ZNF398: variants seen among roughly 807,000 people sequenced by gnomAD.
ZNF398 encodes the protein zinc finger protein 398.
A neutral mutation model predicts 41.9 loss-of-function variants in ZNF398; 18 were observed. The observed-to-expected ratio is 0.43, with a 90% CI of 0.30 to 0.64. ZNF398 has a LOEUF of 0.64. Ranked by LOEUF, ZNF398 falls within the 30% of genes least tolerant of loss-of-function variation. ZNF398 has a pLI of 0.14. For missense variants in ZNF398, 669 were observed against 822.8 expected (o/e 0.81, Z 2.29); for synonymous variants, 260 against 308.8 (o/e 0.84, Z 1.66).
At chr7:149,138,711 T>A (rs1330739196) in intron 2 of ZNF398, among the ~76,000 whole-genome samples, 2 of 152,178 alleles carry the variant, frequency 1.3e-5, no homozygotes, top group African/African-American at 4.8e-5. Flanking sequence ...AGAACCAAAA[T>A]GCTTCGAGTG....
chr7:149,174,767 A>T (rs1285229483), intron 4 of ZNF398, among the ~76,000 whole-genome samples: 1 of 152,220 alleles, frequency 6.6e-6, no homozygotes, highest in Non-Finnish European at 1.5e-5. Context: ...CAGAGATTGC[A>T]GTAAGCCAAG....
chr7:149,127,595 T>C (rs186667936), intron 1 of ZNF398, among the ~76,000 whole-genome samples: 5,124 of 147,288 alleles, frequency 0.035, 308 homozygotes, highest in African/African-American at 0.12. Context: ...CGGGCGCCTG[T>C]AGTCCCAGCT....
At chr7:149,149,420 A>AG (rs1318781634) in intron 1 of ZNF398, among the ~76,000 whole-genome samples, 1 of 151,786 alleles carries the variant, frequency 6.6e-6, no homozygotes, top group Non-Finnish European at 1.5e-5. Context: ...TTTAGTAGAG[A>AG]GGGGGGTTTC....
intron 2 of ZNF398, among the ~76,000 whole-genome samples, chr7:149,133,674 T>TAC (rs1554459608): frequency 1.1e-4 from 6 of 53,242 alleles, no homozygotes; most frequent in Admixed American, 2.3e-4. Context: ...TATATATATA[T>TAC]ATATACATAT....
intron 4 of ZNF398, among the ~76,000 whole-genome samples, chr7:149,170,691 C>T (rs1795315625): frequency 6.6e-6 from 1 of 151,734 alleles, no homozygotes; most frequent in African/African-American, 2.4e-5. Flanking sequence ...GCCGAGATTA[C>T]ACCACTGCAC....
intron 2 of ZNF398, among the ~76,000 whole-genome samples, chr7:149,136,967 A>T (rs1474554726): frequency 6.6e-6 from 1 of 151,498 alleles, no homozygotes; most frequent in Non-Finnish European, 1.5e-5. Flanking sequence ...TCTGGGTTCA[A>T]GTGATTCTCT....
intron 1 of ZNF398, among the ~76,000 whole-genome samples, chr7:149,150,104 C>A (rs1827074395): frequency 6.6e-6 from 1 of 152,124 alleles, no homozygotes; most frequent in South Asian, 2.1e-4. Flanking sequence ...TAGGATGCAA[C>A]TTCCTTAGGA....
At chr7:149,152,252 CT>C (rs1197831647) in intron 1 of ZNF398, among the ~76,000 whole-genome samples, 2 of 135,788 alleles carry the variant, frequency 1.5e-5, no homozygotes, top group African/African-American at 5.4e-5. Context: ...TGTGATTTCC[CT>C]TAAAGATTTC....
chr7:149,138,258 T>G (rs1277172802), intron 2 of ZNF398, among the ~76,000 whole-genome samples: 1 of 144,872 alleles, frequency 6.9e-6, no homozygotes, highest in Non-Finnish European at 1.5e-5. Context: ...GATATTCAAG[T>G]ATATTAAATA....
Position 149,166,703 on chromosome 7 carries a change from A to T in ZNF398, c.548-114A>T, listed in dbSNP as rs1156711153. On this transcript the variant is annotated intron_variant, in intron 3 of 5. Coordinates refer to ENST00000475153, the MANE Select transcript of ZNF398 (RefSeq NM_170686.3). ...GATGGGAAGAAGTGATATGAAATCT[A>T]AAAGAAATTCCCTGGCACTGTGACC... The T allele has an allele frequency of 5.9e-6, 4 of 672,896 alleles. No homozygotes were observed. The African/African-American group carries it at 7.2e-5, about 12-fold the overall frequency. The allele number at this position is 672,896 out of a possible 1,614,324, so 41.7% of individuals were successfully genotyped here.
At chr7:149,138,201 CAA>C (rs1208948059) in intron 2 of ZNF398, among the ~76,000 whole-genome samples, 2 of 72,782 alleles carry the variant, frequency 2.7e-5, no homozygotes, top group Non-Finnish European at 2.8e-5. Context: ...AACTCTGTCT[CAA>C]AAAAAAAAAG....
chr7:149,156,353 A>C (rs1268415515), intron 2 of ZNF398, among the ~76,000 whole-genome samples: 1 of 151,532 alleles, frequency 6.6e-6, no homozygotes, highest in African/African-American at 2.4e-5. Flanking sequence ...AAAAATACAA[A>C]AAAATTAGCT....
At chr7:149,156,807 G>C (rs1174382568) in intron 2 of ZNF398, among the ~76,000 whole-genome samples, 8 of 151,696 alleles carry the variant, frequency 5.3e-5, no homozygotes, top group Non-Finnish European at 2.9e-5. Context: ...ATTGCGGTGA[G>C]GGGAGATTGT....
chr7:149,143,147 G>GAAAAA (rs1826862811), upstream of ZNF398, among the ~76,000 whole-genome samples: 1 of 151,756 alleles, frequency 6.6e-6, no homozygotes, highest in Admixed American at 6.6e-5. Context: ...TCTCAAAAAA[G>GAAAAA]AAAAGAAAAG....
chr7:149,157,764 G>A (rs538255210), intron 2 of ZNF398, among the ~76,000 whole-genome samples: 96 of 151,780 alleles, frequency 6.3e-4, no homozygotes, highest in East Asian at 5.8e-4. Flanking sequence ...CTTGAACTCG[G>A]GAGGCGGAGG....
intron 2 of ZNF398, among the ~76,000 whole-genome samples, chr7:149,155,731 A>ATTATT (rs1794960899): frequency 1.8e-5 from 1 of 56,928 alleles, no homozygotes; most frequent in African/African-American, 5.6e-5. Flanking sequence ...TTTTTTTTTA[A>ATTATT]TTTTTTTTTT....
intron 1 of ZNF398, chr7:149,148,334 G>C (rs563058643): frequency 1.7e-6 from 1 of 589,020 alleles, no homozygotes; most frequent in Non-Finnish European, 2.1e-6. Context: ...GTTCATTCGC[G>C]GGTGTTTGCC....
At chr7:149,128,942 C>T (rs1826542747) in exon 2 of ZNF398, 1 of 151,500 alleles carries the variant, frequency 6.6e-6, no homozygotes, top group Non-Finnish European at 1.5e-5. Context: ...GTTGGGATTA[C>T]AGGTATGTGC....
At chr7:149,140,641 C>G (rs1202588329) in intron 2 of ZNF398, among the ~76,000 whole-genome samples, 1 of 152,134 alleles carries the variant, frequency 6.6e-6, no homozygotes, top group Non-Finnish European at 1.5e-5. Flanking sequence ...GACTCGGCCT[C>G]CCAAAGTGTT....
Sources: allele counts gnomAD v4.1 joint callset (sites outside exome capture counted in the v4.1 genomes callset), GRCh38; gene constraint gnomAD v4.1.1; transcripts MANE v1.5; gene names NCBI Gene and HGNC (gene_info 2026-07-23, HGNC 2026-07-21).